Variants in LAMA2 observed in about 807,000 individuals in gnomAD.
The protein encoded by LAMA2 is laminin subunit alpha 2.
In LAMA2, 269 loss-of-function variants were observed where a neutral mutation model predicts 364.8. That is an observed-to-expected ratio of 0.74 (90% CI 0.67 to 0.82). LAMA2 has a LOEUF of 0.82. Among genes scored for constraint, LAMA2 ranks in the 40% least tolerant of loss-of-function variants. LAMA2 has a pLI of 0.00. For synonymous variants in LAMA2, 1,379 were observed against 1,370.6 expected, an observed-to-expected ratio of 1.01 and a Z score of -0.14; for missense variants, 3,807 against 3,873.2, an observed-to-expected ratio of 0.98 and a Z score of 0.45.
At chr6:129,012,515 TG>T (rs1784826807) in intron 1 of LAMA2, among the ~76,000 whole-genome samples, 1 of 152,208 alleles carries the variant, frequency 6.6e-6, no homozygotes, top group Non-Finnish European at 1.5e-5. Flanking sequence ...GAATAATTTT[TG>T]TTTGTTTTTG....
At chr6:128,967,783 TTTACACCTCAGATTATTTCTATTAA>T (rs1214527572) in intron 1 of LAMA2, among the ~76,000 whole-genome samples, 18 of 152,276 alleles carry the variant, frequency 1.2e-4, no homozygotes, top group African/African-American at 4.1e-4. Flanking sequence ...GATTCCGACT[TTTACACCTCAGATTATTTCTATTAA>T]TTACACCTCA....
chr6:129,293,024 C>A, intron 20 of LAMA2: 1 of 985,928 alleles, frequency 1.0e-6, no homozygotes, highest in Non-Finnish European at 1.2e-6. Flanking sequence ...CTATCGGCAG[C>A]TCCAGCGGGT....
At chr6:128,983,151 G>T (rs1001051382) in intron 1 of LAMA2, among the ~76,000 whole-genome samples, 28 of 152,018 alleles carry the variant, frequency 1.8e-4, no homozygotes, top group East Asian at 1.4e-3. Context: ...CTGGGTCAAA[G>T]GGTATTTCTA....
At chr6:129,414,738 CAT>C (rs1217639675) in intron 40 of LAMA2, among the ~76,000 whole-genome samples, 3 of 152,264 alleles carry the variant, frequency 2.0e-5, no homozygotes, top group South Asian at 2.1e-4. Context: ...ATGATGCATA[CAT>C]GTTTTAATTT....
chr6:129,359,625 G>A (rs1321627071), intron 32 of LAMA2, among the ~76,000 whole-genome samples: 1 of 129,498 alleles, frequency 7.7e-6, no homozygotes, highest in Non-Finnish European at 1.7e-5. Context: ...ATCTAGGAGA[G>A]TTAATTTAAC....
At chr6:129,314,398 CAA>C (rs3062342) in intron 23 of LAMA2, among the ~76,000 whole-genome samples, 1,197 of 81,840 alleles carry the variant, frequency 0.015, 23 homozygotes, top group African/African-American at 0.057. Flanking sequence ...GACTCCGTCT[CAA>C]AAAAAAAAAA....
At chr6:129,123,001 A>T (rs886577792) in intron 4 of LAMA2, among the ~76,000 whole-genome samples, 1 of 152,182 alleles carries the variant, frequency 6.6e-6, no homozygotes, top group Non-Finnish European at 1.5e-5. Context: ...TCCTCAAAAA[A>T]TTCAAAATGG....
intron 4 of LAMA2, among the ~76,000 whole-genome samples, chr6:129,118,130 A>G (rs1003793546): frequency 6.6e-6 from 1 of 152,226 alleles, no homozygotes; most frequent in African/African-American, 2.4e-5. Flanking sequence ...TGTGATCAGC[A>G]AGATAAAATG....
chr6:129,391,818 T>TC (rs1220457087), intron 36 of LAMA2, among the ~76,000 whole-genome samples, 165 bp downstream of exon 36: 15 of 152,288 alleles, frequency 9.8e-5, no homozygotes, highest in African/African-American at 3.6e-4. Context: ...TATCTATCTA[T>TC]TTATCTATCT....
chr6:128,949,830 G>A (rs1253067312), intron 1 of LAMA2, among the ~76,000 whole-genome samples: 2 of 151,996 alleles, frequency 1.3e-5, no homozygotes, highest in Non-Finnish European at 2.9e-5. Context: ...TTAAACATAA[G>A]GGCATATATT....
chr6:128,995,590 C>T (rs559082131), intron 1 of LAMA2, among the ~76,000 whole-genome samples: 18 of 152,168 alleles, frequency 1.2e-4, no homozygotes, highest in Non-Finnish European at 2.6e-4. Context: ...TTCCAAAGTG[C>T]TGGGATTACA....
intron 1 of LAMA2, among the ~76,000 whole-genome samples, chr6:128,976,153 T>C (rs535550443): frequency 6.6e-6 from 1 of 152,336 alleles, no homozygotes; most frequent in East Asian, 1.9e-4. Context: ...GGATTTTTTT[T>C]GTATTTTGAC....
At chr6:128,888,840 G>T (rs1388294830) in intron 1 of LAMA2, among the ~76,000 whole-genome samples, 1 of 152,226 alleles carries the variant, frequency 6.6e-6, no homozygotes, top group Non-Finnish European at 1.5e-5. Context: ...AAAATCACAG[G>T]TTTTTTTGTC....
At chr6:129,398,915 G>A (rs904630105) in intron 37 of LAMA2, among the ~76,000 whole-genome samples, 10 of 152,120 alleles carry the variant, frequency 6.6e-5, no homozygotes, top group East Asian at 3.8e-4. Context: ...CATAAGCTAC[G>A]ACCATAAAGT....
chr6:129,367,660 C>T (rs1022380246), intron 33 of LAMA2, among the ~76,000 whole-genome samples: 3 of 152,112 alleles, frequency 2.0e-5, no homozygotes, highest in African/African-American at 7.2e-5. Flanking sequence ...TTAATTCTGA[C>T]CATAACCTTT....
At chr6:129,075,237 C>A (rs1262879129) in intron 3 of LAMA2, among the ~76,000 whole-genome samples, 2 of 151,984 alleles carry the variant, frequency 1.3e-5, no homozygotes, top group Middle Eastern at 3.2e-3. Context: ...TTATTACCAG[C>A]AGGAATAAAT....
At chr6:129,090,305 T>C (rs1423439406) in intron 3 of LAMA2, among the ~76,000 whole-genome samples, 1 of 152,190 alleles carries the variant, frequency 6.6e-6, no homozygotes, top group East Asian at 1.9e-4. Context: ...AAATTCCATA[T>C]GTATTACTCG....
intron 1 of LAMA2, among the ~76,000 whole-genome samples, chr6:128,934,301 T>A (rs1318114944): frequency 6.6e-6 from 1 of 152,186 alleles, no homozygotes; most frequent in African/African-American, 2.4e-5. Flanking sequence ...TATGTCTGTT[T>A]TTATAGCACT....
At position 129,353,299 on chromosome 6, in the gene LAMA2, G is replaced by A. The variant is rs775566250; in HGVS notation, c.4659G>A (p.Thr1553=). The A allele has an allele frequency of 6.2e-6, 10 of 1,613,994 alleles. No individual in the cohort carries two copies. Among genetic ancestry groups the A allele is most frequent in the South Asian group, 3.3e-5 (3 of 91,072 alleles). The change falls in exon 32 of 65, where the codon ACG becomes ACA. Residue 1553 remains threonine (T), a synonymous_variant. Coordinates refer to ENST00000421865, the MANE Select transcript of LAMA2 (RefSeq NM_000426.4). ...TCTGCACGTGCCGACCTGGAGCCAC[G>A]GGAAGGAAGTGTGACGGCTGCAAGC... ...TGFCTCRPGA[T]GRKCDGCKHW...
Sources: allele counts gnomAD v4.1 joint callset (sites outside exome capture counted in the v4.1 genomes callset), GRCh38; gene constraint gnomAD v4.1.1; transcripts MANE v1.5; gene names NCBI Gene and HGNC (gene_info 2026-07-23, HGNC 2026-07-21).